The following ARHGEF11 variants were observed in gnomAD, a reference collection of about 807,000 sequenced individuals.
ARHGEF11 encodes Rho guanine nucleotide exchange factor 11, also known as Rho guanine exchange factor (GEF) 11.
Under a neutral mutation model 193.7 loss-of-function variants are expected in ARHGEF11, and 55 were observed. The observed-to-expected ratio is 0.28, with a 90% CI of 0.23 to 0.36. The LOEUF is 0.36. Among genes scored for constraint, ARHGEF11 ranks in the 10% least tolerant of loss-of-function variants. ARHGEF11 has a pLI of 1.00. For synonymous variants in ARHGEF11, 693 were observed against 768.0 expected (o/e 0.90, Z 1.62); for missense variants, 1,723 against 2,005.6 (o/e 0.86, Z 2.69).
chr1:156,983,421 A>C (rs1487699082), intron 3 of ARHGEF11, among the ~76,000 whole-genome samples: 1 of 152,016 alleles, frequency 6.6e-6, no homozygotes, highest in Non-Finnish European at 1.5e-5. Flanking sequence ...ACAGGGTTTC[A>C]CCATGTTAGC....
intron 7 of ARHGEF11, among the ~76,000 whole-genome samples, chr1:156,973,019 G>C (rs1313323165): frequency 2.0e-5 from 3 of 151,982 alleles, no homozygotes; most frequent in Non-Finnish European, 4.4e-5. Flanking sequence ...TGCCCCATTT[G>C]TTTCCCCTTC....
intron 1 of ARHGEF11, among the ~76,000 whole-genome samples, chr1:157,018,487 C>CA (rs1557961779): frequency 6.6e-6 from 1 of 151,230 alleles, no homozygotes; most frequent in Non-Finnish European, 1.5e-5. Context: ...ACTAAAAATA[C>CA]AAAAAAAATT....
chr1:157,038,401 G>A (rs186472507), intron 1 of ARHGEF11, among the ~76,000 whole-genome samples: 196 of 152,318 alleles, frequency 1.3e-3, no homozygotes, highest in Non-Finnish European at 2.0e-3. Flanking sequence ...AAATCTTAAG[G>A]AAGTCAACAA....
chr1:157,005,823 T>C (rs1667749720), intron 1 of ARHGEF11, among the ~76,000 whole-genome samples: 1 of 152,208 alleles, frequency 6.6e-6, no homozygotes, highest in Non-Finnish European at 1.5e-5. Flanking sequence ...GAGACCTGAT[T>C]TCTATATTAA....
At chr1:157,030,768 T>C (rs564228962) in intron 1 of ARHGEF11, among the ~76,000 whole-genome samples, 2 of 152,248 alleles carry the variant, frequency 1.3e-5, no homozygotes, top group South Asian at 2.1e-4. Flanking sequence ...CATGCTTCCC[T>C]ATCTATAAAA....
intron 38 of ARHGEF11, 79 bp downstream of exon 38, chr1:156,938,339 G>T: frequency 1.5e-6 from 2 of 1,367,794 alleles, no homozygotes; most frequent in Non-Finnish European, 2.0e-6. Context: ...TGTGACCATG[G>T]GCAGGGGTCC....
intron 1 of ARHGEF11, among the ~76,000 whole-genome samples, chr1:157,005,222 C>T (rs1488698882): frequency 6.6e-6 from 1 of 152,184 alleles, no homozygotes; most frequent in Admixed American, 6.5e-5. Flanking sequence ...GGTTTGATGA[C>T]TGCCTTATAC....
chr1:157,023,636 T>A (rs1421832344), intron 1 of ARHGEF11, among the ~76,000 whole-genome samples: 2 of 152,022 alleles, frequency 1.3e-5, no homozygotes, highest in Non-Finnish European at 2.9e-5. Flanking sequence ...CGCAGTGGCA[T>A]GCGCCTGTAA....
rs750412980 is a variant in ARHGEF11, at chr1:156,946,029, C to T, written c.2812+16G>A. ...AGGCCCACTGCCTGTGATGCCAGCC[C>T]CTCCCCAGGTGCTACCCTCTGTGTG... is the stretch of plus-strand genomic sequence containing the variant. On this transcript the variant is annotated intron_variant, in intron 29 of 40. Transcript: ENST00000368194. 1 of 1,600,718 alleles carries T rather than the reference C, an allele frequency of 6.2e-7. No individual in the cohort carries two copies. Among genetic ancestry groups the T allele is most frequent in the African/African-American group, 1.3e-5 (1 of 74,826 alleles).
In ARHGEF11 at chr1:156,947,021, G is replaced by A; in HGVS notation, c.2489-6C>T. On this transcript the variant is annotated splice_region_variant and splice_polypyrimidine_tract_variant and intron_variant, in intron 26 of 40. Coordinates refer to ENST00000368194, the MANE Select transcript of ARHGEF11 (RefSeq NM_198236.3). ...CATGGCTTCACACCAGGAATCTGGGGCAGGAAGAGAACAAATAGAAATGCC... is the reference window on the plus strand; with the variant it reads ...CATGGCTTCACACCAGGAATCTGGGACAGGAAGAGAACAAATAGAAATGCC... 1 of 1,614,152 alleles carries A rather than the reference G, an allele frequency of 6.2e-7. No homozygotes were observed. The highest frequency in any genetic ancestry group is 2.2e-5 in the East Asian group (1 of 44,876).
chr1:156,991,738 A>T (rs1665757134), intron 1 of ARHGEF11, among the ~76,000 whole-genome samples: 1 of 85,908 alleles, frequency 1.2e-5, no homozygotes, highest in Non-Finnish European at 2.1e-5. Flanking sequence ...TTTTTTTGAG[A>T]CGGAGTCTCG....
At chr1:157,013,259 TCACTCA>T (rs1389590291) in intron 1 of ARHGEF11, among the ~76,000 whole-genome samples, 16 of 109,486 alleles carry the variant, frequency 1.5e-4, no homozygotes, top group Middle Eastern at 4.7e-3. Flanking sequence ...CTCCCCACTA[TCACTCA>T]CACACACACA....
intron 29 of ARHGEF11, chr1:156,945,714 G>A: frequency 3.4e-6 from 1 of 297,846 alleles, no homozygotes; most frequent in Non-Finnish European, 6.4e-6. Flanking sequence ...GCATGAATGG[G>A]GATAAAATCC....
chr1:157,045,777 C>A (rs930447290), upstream of ARHGEF11, among the ~76,000 whole-genome samples: 3 of 150,776 alleles, frequency 2.0e-5, no homozygotes, highest in African/African-American at 7.3e-5. Context: ...TCCTTCCGGG[C>A]CCCTTCCCCC....
chr1:157,018,649 GA>G (rs1052018208), intron 1 of ARHGEF11, among the ~76,000 whole-genome samples: 2,159 of 76,454 alleles, frequency 0.028, 40 homozygotes, highest in African/African-American at 0.09. Context: ...GTCTCAAAAA[GA>G]AAAAAAAAAA....
chr1:157,010,808 A>C (rs1668453278), intron 1 of ARHGEF11, among the ~76,000 whole-genome samples: 1 of 152,242 alleles, frequency 6.6e-6, no homozygotes, highest in South Asian at 2.1e-4. Flanking sequence ...AATATCTAGG[A>C]ATAAATTTAA....
chr1:156,954,380 C>CAAAAAAAAAAAAAAAAAAAAAAAAAAAAA (rs559848711), intron 21 of ARHGEF11, among the ~76,000 whole-genome samples: 1 of 75,148 alleles, frequency 1.3e-5, no homozygotes, highest in African/African-American at 5.4e-5. Flanking sequence ...ACTGTGTCTC[C>CAAAAAAAAAAAAAAAAAAAAAAAAAAAAA]AAAAAAAAAA....
intron 1 of ARHGEF11, among the ~76,000 whole-genome samples, chr1:157,014,629 T>C (rs1668978790): frequency 6.6e-6 from 1 of 152,216 alleles, no homozygotes; most frequent in Non-Finnish European, 1.5e-5. Context: ...AAGAGTCGTC[T>C]ACATCGACTG....
rs1263783887 is a variant in ARHGEF11 at position 156,942,767 on chromosome 1, G to A, written c.3249C>T (p.Phe1083=). The change falls in exon 33 of 41, where the codon TTC becomes TTT. Residue 1083 remains phenylalanine, a synonymous_variant. Coordinates refer to ENST00000368194, the MANE Select transcript of ARHGEF11 (RefSeq NM_198236.3). ...CCAGCTTGGAGGTGCAGATGATGAA[G>A]AAGGCCCGTTTATCTGTGTGAGGAA... ...IRSVATDKRA[F]FIICTSKLGP... is the part of the protein sequence containing the mutation. The A allele has an allele frequency of 2.5e-6, 4 of 1,614,102 alleles. No individual in the cohort carries two copies. In the Admixed American group the frequency reaches 6.7e-5, roughly 27 times the overall value.
Sources: allele counts gnomAD v4.1 joint callset (sites outside exome capture counted in the v4.1 genomes callset), GRCh38; gene constraint gnomAD v4.1.1; transcripts MANE v1.5; gene names NCBI Gene and HGNC (gene_info 2026-07-23, HGNC 2026-07-21).